The following UGCG variants were observed in gnomAD, a reference collection of about 807,000 sequenced individuals.
UGCG encodes UDP-glucose ceramide glucosyltransferase.
UGCG carries 10 observed loss-of-function variants against 49.5 expected under a neutral mutation model. The observed-to-expected ratio is 0.20, with a 90% confidence interval of 0.12 to 0.34. The LOEUF (loss-of-function observed/expected upper bound fraction) is 0.34, where lower values mean the gene tolerates loss of function less well. Ranked by LOEUF, UGCG falls within the 10% of genes least tolerant of loss-of-function variation. The pLI, the probability that UGCG is intolerant of heterozygous loss-of-function variation, is 1.00. For missense variants in UGCG, 312 were observed against 483.7 expected (o/e 0.65, Z 3.33); for synonymous variants, 182 against 158.2 (o/e 1.15, Z -1.13).
At position 111,932,466 on chromosome 9, in the gene UGCG, A is replaced by C. The variant is rs909107204; in HGVS notation, c.1014+107A>C. 3.8e-5 allele frequency: 45 copies of C among 1,191,424 alleles called. No homozygotes were observed. The East Asian group carries it at 1.0e-3, about 28-fold the overall frequency. 73.8% of individuals were successfully genotyped at this position (1,191,424 alleles called of 1,614,324 possible). ...TATCTGAGCCATTCTTCAGCTTCCC[A>C]TTGTAGGTTAGTCTCGGGTTTGAAC... On this transcript the variant is annotated intron_variant, in intron 8 of 8. Coordinates refer to ENST00000374279, the MANE Select transcript of UGCG (RefSeq NM_003358.3).
chr9:111,929,732 T>C lies in UGCG; in HGVS notation c.737+54T>C. On this transcript the variant is annotated intron_variant, in intron 6 of 8. Coordinates refer to ENST00000374279, the MANE Select transcript of UGCG (RefSeq NM_003358.3). ...TTTTATTACCTAACTTCTGTTGGTT[T>C]ATTCTTTTTGTTCAACCTATAGATT... 3 of 1,588,746 alleles carry C rather than the reference T, an allele frequency of 1.9e-6. No individual in the cohort carries two copies. The South Asian group carries it at 3.5e-5, about 18-fold the overall frequency.
At chr9:111,902,938 C>G (rs1370810703) in intron 1 of UGCG, among the ~76,000 whole-genome samples, 3 of 152,112 alleles carry the variant, frequency 2.0e-5, no homozygotes, top group Non-Finnish European at 4.4e-5. Flanking sequence ...CCACCACACC[C>G]CGCTAATTTT....
At chr9:111,931,755 G>C (rs1838427742) in intron 7 of UGCG, among the ~76,000 whole-genome samples, 1 of 152,130 alleles carries the variant, frequency 6.6e-6, no homozygotes, top group Non-Finnish European at 1.5e-5. Flanking sequence ...GGTTGTGTGT[G>C]GTGGCTCACA....
chr9:111,901,363 G>A (rs1480158943), intron 1 of UGCG, among the ~76,000 whole-genome samples: 1 of 152,154 alleles, frequency 6.6e-6, no homozygotes, highest in Admixed American at 6.5e-5. Context: ...TTTGGGTTTA[G>A]TCCTGCCAAT....
chr9:111,915,482 A>G lies in UGCG; in HGVS notation c.240+736A>G, dbSNP rs75868068. ...TGCTTGAGACTGCTTTTGAAAGGGC[A>G]TTTTGGTGGTAACAGATCACTTGTG... On this transcript the variant is annotated intron_variant, in intron 2 of 8. Transcript: ENST00000374279. Among the ~76,000 whole-genome samples, 7 of 152,302 alleles carry G rather than the reference A, an allele frequency of 4.6e-5. No homozygotes were observed. The East Asian group carries it at 7.7e-4, about 17-fold the overall frequency.
chr9:111,908,544 G>A (rs984570622), intron 1 of UGCG, among the ~76,000 whole-genome samples: 2 of 152,110 alleles, frequency 1.3e-5, no homozygotes, highest in African/African-American at 4.8e-5. Flanking sequence ...GTACTTACAG[G>A]TGACTTTATA....
chr9:111,924,984 T>A, intron 4 of UGCG, 106 bp downstream of exon 4: 1 of 526,132 alleles, frequency 1.9e-6, no homozygotes, highest in Non-Finnish European at 2.9e-6. Context: ...CCTAAAAGAG[T>A]AATTTATTTC....
At chr9:111,925,756 A>G (rs575804676) in intron 4 of UGCG, among the ~76,000 whole-genome samples, 1 of 152,354 alleles carries the variant, frequency 6.6e-6, no homozygotes, top group South Asian at 2.1e-4. Flanking sequence ...AATAATTTAA[A>G]TTTTTTATTA....
chr9:111,917,814 A>C (rs545443720), intron 2 of UGCG, among the ~76,000 whole-genome samples: 28 of 152,194 alleles, frequency 1.8e-4, no homozygotes, highest in Non-Finnish European at 3.7e-4. Context: ...AAGGTGATGC[A>C]GTTCATTTTC....
chr9:111,925,778 A>G (rs1029841780), intron 4 of UGCG, among the ~76,000 whole-genome samples: 4 of 152,260 alleles, frequency 2.6e-5, no homozygotes, highest in Non-Finnish European at 4.4e-5. Flanking sequence ...CTTAAAATGC[A>G]AATTAGAAAA....
At chr9:111,900,635 C>G (rs1837750756) in intron 1 of UGCG, among the ~76,000 whole-genome samples, 1 of 152,132 alleles carries the variant, frequency 6.6e-6, no homozygotes, top group South Asian at 2.1e-4. Context: ...TCCCAAGTAG[C>G]TGGGACTACA....
intron 1 of UGCG, among the ~76,000 whole-genome samples, chr9:111,906,203 A>C (rs1192709314): frequency 1.3e-5 from 2 of 152,198 alleles, no homozygotes; most frequent in Non-Finnish European, 2.9e-5. Flanking sequence ...AGAGTAAATT[A>C]AAGTTCGTAT....
At position 111,900,927 on chromosome 9, in the gene UGCG, G is replaced by T. The variant is rs143007135; in HGVS notation, c.98+3614G>T. The stretch of plus-strand genomic sequence containing the variant: ...GCTGGAATGCAGTGGCTCGATCACG[G>T]CTTCACATCCCAGGCTCGAGCAATT... On this transcript the variant is annotated intron_variant, in intron 1 of 8. Coordinates refer to ENST00000374279, the MANE Select transcript of UGCG (RefSeq NM_003358.3). 9.7e-3 allele frequency among the ~76,000 whole-genome samples: 1,473 copies of T among 152,056 alleles called. 26 individuals carry two copies. The highest frequency in any genetic ancestry group is 0.033 in the African/African-American group (1,354 of 41,484).
intron 1 of UGCG, among the ~76,000 whole-genome samples, chr9:111,911,925 T>TTCAAC (rs1266551450): frequency 4.1e-5 from 1 of 24,678 alleles, no homozygotes; most frequent in Non-Finnish European, 6.8e-5. Context: ...TATATATATA[T>TTCAAC]ATATATATAT....
At chr9:111,925,229 G>A (rs922912662) in intron 4 of UGCG, among the ~76,000 whole-genome samples, 4 of 152,034 alleles carry the variant, frequency 2.6e-5, no homozygotes, top group Admixed American at 1.3e-4. Flanking sequence ...GTAATACACC[G>A]TCTCACAAAG....
At chr9:111,908,239 C>T (rs1022270304) in intron 1 of UGCG, among the ~76,000 whole-genome samples, 5 of 152,218 alleles carry the variant, frequency 3.3e-5, no homozygotes, top group Admixed American at 3.3e-4. Flanking sequence ...ATTAGTAAAA[C>T]TATCCTGTAA....
chr9:111,932,278 C>G lies in UGCG; in HGVS notation c.933C>G (p.Phe311Leu). Residue 311 changes from phenylalanine (F) to leucine (L), a missense_variant, in exon 8 of 9, where the codon TTC becomes TTG. By Grantham distance (22) the Phe-to-Leu change is conservative (BLOSUM62 0). Transcript: ENST00000374279. ...LIIGWAAHHV[F>L]RWDIMVFFMC... is the part of the protein sequence containing the mutation. Reference sequence around the variant, plus strand: ...TTGGATGGGCAGCCCACCATGTGTTCAGATGGGATATTATGGTATTTTTCA... The same window carrying G: ...TTGGATGGGCAGCCCACCATGTGTTGAGATGGGATATTATGGTATTTTTCA... The G allele has an allele frequency of 6.2e-7, 1 of 1,614,096 alleles. No homozygotes were observed. Among genetic ancestry groups the G allele is most frequent in the Non-Finnish European group, 8.5e-7 (1 of 1,179,988 alleles).
Position 111,897,237 on chromosome 9 carries a change from T to C in UGCG, c.22T>C (p.Leu8=), listed in dbSNP as rs2131709174. 1 of 1,552,066 alleles carries C rather than the reference T, an allele frequency of 6.4e-7. No individual in the cohort carries two copies. The highest frequency in any genetic ancestry group is 8.7e-7 in the Non-Finnish European group (1 of 1,148,906). Residue 8 remains leucine (L), a synonymous_variant, in exon 1 of 9, where the codon TTG becomes CTG. Coordinates refer to ENST00000374279, the MANE Select transcript of UGCG (RefSeq NM_003358.3). Reference sequence around the variant, plus strand: ...GGGGATGGCGCTGCTGGACCTGGCCTTGGAGGGAATGGCCGTCTTCGGGTT... The same window carrying C: ...GGGGATGGCGCTGCTGGACCTGGCCCTGGAGGGAATGGCCGTCTTCGGGTT... MALLDLA[L]EGMAVFGFVL...
chr9:111,899,422 A>G (rs1024618731), intron 1 of UGCG, among the ~76,000 whole-genome samples: 1 of 152,202 alleles, frequency 6.6e-6, no homozygotes, highest in Non-Finnish European at 1.5e-5. Flanking sequence ...ATATGTTTAT[A>G]TGCTAGTTAC....
Sources: allele counts gnomAD v4.1 joint callset (sites outside exome capture counted in the v4.1 genomes callset), GRCh38; gene constraint gnomAD v4.1.1; transcripts MANE v1.5; gene names NCBI Gene and HGNC (gene_info 2026-07-23, HGNC 2026-07-21).